Variants in CTNNA2 observed in about 807,000 individuals in gnomAD.
The protein encoded by CTNNA2 is catenin alpha 2, also known as catenin alpha-2.
A neutral mutation model predicts 101.0 loss-of-function variants in CTNNA2; 42 were observed. The ratio of observed to expected loss-of-function variants is 0.42; its 90% CI spans 0.32 to 0.54. The LOEUF (loss-of-function observed/expected upper bound fraction) is 0.54, where lower values mean the gene tolerates loss of function less well. CTNNA2 is among the 20% of genes least tolerant of loss of function. CTNNA2 has a pLI of 0.14. For missense variants in CTNNA2, 871 were observed against 1,223.1 expected, an observed-to-expected ratio of 0.71 and a Z score of 4.29; for synonymous variants, 450 against 456.4, an observed-to-expected ratio of 0.99 and a Z score of 0.18.
chr2:80,145,923 T>C (rs988668371), intron 7 of CTNNA2, among the ~76,000 whole-genome samples: 1 of 152,240 alleles, frequency 6.6e-6, no homozygotes, highest in African/African-American at 2.4e-5. Flanking sequence ...ACTTCTGCCA[T>C]TGAGCAGTGG....
At chr2:79,569,572 A>G (rs1310685922) in intron 1 of CTNNA2, among the ~76,000 whole-genome samples, 1 of 152,148 alleles carries the variant, frequency 6.6e-6, no homozygotes, top group East Asian at 1.9e-4. Flanking sequence ...TTTCCAACTC[A>G]CAGGTGCTAG....
intron 9 of CTNNA2, among the ~76,000 whole-genome samples, chr2:80,452,061 T>G (rs1033141111): frequency 7.2e-5 from 11 of 152,188 alleles, no homozygotes; most frequent in Non-Finnish European, 1.5e-4. Flanking sequence ...CTATATTTGG[T>G]TCTTTTGTCC....
chr2:80,035,268 G>C (rs527734841), intron 7 of CTNNA2, among the ~76,000 whole-genome samples: 1 of 152,102 alleles, frequency 6.6e-6, no homozygotes, highest in Non-Finnish European at 1.5e-5. Context: ...TGTCTCCACC[G>C]CTTACATCTG....
intron 3 of CTNNA2, among the ~76,000 whole-genome samples, chr2:79,829,679 ATTTC>A (rs1678758570): frequency 6.7e-6 from 1 of 148,848 alleles, no homozygotes; most frequent in Admixed American, 6.7e-5. Context: ...TCGTAGGGAG[ATTTC>A]TTTTTCTTTC....
intron 3 of CTNNA2, among the ~76,000 whole-genome samples, chr2:79,370,413 G>T (rs1483490032): frequency 6.6e-6 from 1 of 152,188 alleles, no homozygotes; most frequent in Non-Finnish European, 1.5e-5. Context: ...ACTCCTGAGT[G>T]AATATTTGCA....
At chr2:79,972,785 G>A (rs1175495034) in intron 7 of CTNNA2, among the ~76,000 whole-genome samples, 1 of 152,180 alleles carries the variant, frequency 6.6e-6, no homozygotes, top group African/African-American at 2.4e-5. Flanking sequence ...AAAGAAACAA[G>A]GGAGAGTGGG....
At chr2:79,943,640 G>T (rs1574372960) in intron 7 of CTNNA2, among the ~76,000 whole-genome samples, 1 of 152,308 alleles carries the variant, frequency 6.6e-6, no homozygotes, top group Non-Finnish European at 1.5e-5. Flanking sequence ...CTTCCTCTCT[G>T]CTCATTGCCA....
chr2:80,143,626 T>C (rs928314788), intron 7 of CTNNA2, among the ~76,000 whole-genome samples: 3 of 152,076 alleles, frequency 2.0e-5, no homozygotes, highest in East Asian at 1.9e-4. Flanking sequence ...GAGTAGAAGA[T>C]AGATTTCACG....
At chr2:79,948,986 AAATAAAAT>A (rs1290051023) in intron 7 of CTNNA2, among the ~76,000 whole-genome samples, 4 of 152,026 alleles carry the variant, frequency 2.6e-5, no homozygotes, top group Non-Finnish European at 5.9e-5. Flanking sequence ...ATAAATAAAT[AAATAAAAT>A]AAATGGATAA....
At chr2:80,283,336 T>G (rs1674528104) in intron 7 of CTNNA2, among the ~76,000 whole-genome samples, 1 of 152,076 alleles carries the variant, frequency 6.6e-6, no homozygotes, top group Non-Finnish European at 1.5e-5. Flanking sequence ...ATTAAGGAAA[T>G]GCTGGTTTGA....
chr2:80,369,009 A>G (rs1675210373), intron 7 of CTNNA2, among the ~76,000 whole-genome samples: 1 of 151,784 alleles, frequency 6.6e-6, no homozygotes, highest in Non-Finnish European at 1.5e-5. Flanking sequence ...CTTGAACCCT[A>G]TGTCTAAAGC....
intron 7 of CTNNA2, among the ~76,000 whole-genome samples, chr2:80,325,232 GAGA>G (rs1679133428): frequency 6.6e-6 from 1 of 152,204 alleles, no homozygotes; most frequent in Non-Finnish European, 1.5e-5. Flanking sequence ...GGCTGAAGGG[GAGA>G]AGAATTGATT....
At chr2:79,188,293 C>T (rs899632194) in intron 1 of CTNNA2, among the ~76,000 whole-genome samples, 8 of 147,982 alleles carry the variant, frequency 5.4e-5, no homozygotes, top group African/African-American at 2.1e-4. Flanking sequence ...CTGGGCTGGA[C>T]CATATAGAAA....
In CTNNA2 at chr2:79,874,118, C is replaced by T. The variant is rs1282303305; in HGVS notation, c.628C>T (p.Arg210Ter). ...PHCRDEMAAA[R>*]GALKKNATML... is the part of the protein sequence containing the mutation. Reference sequence around the variant, plus strand: ...CTGTCGGGATGAGATGGCAGCCGCCCGAGGGGCTCTGAAGAAGAATGCCAC... The same window carrying T: ...CTGTCGGGATGAGATGGCAGCCGCCTGAGGGGCTCTGAAGAAGAATGCCAC... Residue 210 changes from arginine to a stop codon, truncating the protein, a stop_gained, in exon 6 of 19, where the codon CGA (arginine) becomes TGA (stop). Coordinates refer to ENST00000402739, the MANE Select transcript of CTNNA2 (RefSeq NM_001282597.3). LOFTEE classifies it high-confidence loss of function. 2 of 1,614,182 alleles carry T rather than the reference C, an allele frequency of 1.2e-6. No individual in the cohort carries two copies. The highest frequency in any genetic ancestry group is 1.3e-5 in the African/African-American group (1 of 75,048).
At chr2:79,745,766 C>T (rs943113929) in intron 3 of CTNNA2, among the ~76,000 whole-genome samples, 2 of 152,120 alleles carry the variant, frequency 1.3e-5, no homozygotes, top group Non-Finnish European at 1.5e-5. Context: ...AGAATTCCAT[C>T]GTATGTATAT....
intron 15 of CTNNA2, among the ~76,000 whole-genome samples, chr2:80,591,493 G>T (rs753255390): frequency 1.5e-5 from 1 of 66,640 alleles, no homozygotes; most frequent in Non-Finnish European, 3.6e-5. Context: ...ACAGACAGCT[G>T]ACTAGTGCCT....
At chr2:80,349,712 G>A (rs924004402) in intron 7 of CTNNA2, among the ~76,000 whole-genome samples, 3 of 151,940 alleles carry the variant, frequency 2.0e-5, no homozygotes, top group Non-Finnish European at 4.4e-5. Flanking sequence ...AATCGATGGG[G>A]TCTTGCTATG....
At chr2:79,200,329 A>G (rs1674018430) in intron 2 of CTNNA2, among the ~76,000 whole-genome samples, 1 of 151,780 alleles carries the variant, frequency 6.6e-6, no homozygotes, top group South Asian at 2.1e-4. Context: ...GGTTGCAGTG[A>G]GCCGAGATTG....
intron 1 of CTNNA2, among the ~76,000 whole-genome samples, chr2:79,541,671 G>T (rs1454628357): frequency 1.3e-5 from 2 of 150,480 alleles, no homozygotes; most frequent in Non-Finnish European, 3.0e-5. Context: ...TCTGTTGCCA[G>T]GCTGGAGTGC....
Sources: allele counts gnomAD v4.1 joint callset (sites outside exome capture counted in the v4.1 genomes callset), GRCh38; gene constraint gnomAD v4.1.1; transcripts MANE v1.5; gene names NCBI Gene and HGNC (gene_info 2026-07-23, HGNC 2026-07-21).